The following PRMT8 variants were observed in gnomAD, a reference collection of about 807,000 sequenced individuals.
PRMT8 encodes the protein protein arginine N-methyltransferase 8.
A neutral mutation model predicts 47.1 loss-of-function variants in PRMT8; 7 were observed. The ratio of observed to expected loss-of-function variants is 0.15; its 90% CI spans 0.08 to 0.28. The LOEUF (loss-of-function observed/expected upper bound fraction) is 0.28, where lower values mean the gene tolerates loss of function less well. Among genes scored for constraint, PRMT8 ranks in the 10% least tolerant of loss-of-function variants. The pLI, the probability that PRMT8 is intolerant of heterozygous loss-of-function variation, is 1.00. For synonymous variants in PRMT8, 188 were observed against 186.5 expected (o/e 1.01, Z -0.07); for missense variants, 237 against 505.4 (o/e 0.47, Z 5.09).
chr12:3,535,950 A>G lies in PRMT8; in HGVS notation c.76-4656A>G, dbSNP rs1866110042. ...GGAGTTGAGCCTTCTGACTTTACAGAGGAGACCACTGTCATCCCCCAAGAC... is the reference window on the plus strand; with the variant it reads ...GGAGTTGAGCCTTCTGACTTTACAGGGGAGACCACTGTCATCCCCCAAGAC... On this transcript the variant is annotated intron_variant, in intron 1 of 9. Transcript: ENST00000382622. The surrounding 1 kb of genome is among the most constrained non-coding windows in gnomAD (Gnocchi z 4.7). Among the ~76,000 whole-genome samples, 1 of 152,078 alleles carries G rather than the reference A, an allele frequency of 6.6e-6. No homozygotes were observed. Among genetic ancestry groups the G allele is most frequent in the Non-Finnish European group, 1.5e-5 (1 of 68,008 alleles).
chr12:3,492,788 T>A lies in PRMT8; in HGVS notation c.75+1088T>A, dbSNP rs1865443690. Among the ~76,000 whole-genome samples the A allele has an allele frequency of 6.6e-6, 1 of 152,002 alleles. No individual in the cohort carries two copies. The highest frequency in any genetic ancestry group is 6.6e-5 in the Admixed American group (1 of 15,252). On this transcript the variant is annotated intron_variant, in intron 1 of 9. Transcript: ENST00000382622. This position sits in a 1 kb window ranked among gnomAD's most constrained non-coding sequence, Gnocchi z 7.5. ...GCGGAGTGGGGCATGTGTGTGAAGA[T>A]CATCCCTTACTCAGTGGCAGGAAAA...
intron 1 of PRMT8, among the ~76,000 whole-genome samples, chr12:3,443,255 A>G (rs1422251390): frequency 6.6e-6 from 1 of 152,192 alleles, no homozygotes; most frequent in East Asian, 1.9e-4. Flanking sequence ...GGTGTTATGG[A>G]TCCAGTGATA....
chr12:3,423,027 A>G (rs974809493), intron 1 of PRMT8, among the ~76,000 whole-genome samples: 9 of 152,264 alleles, frequency 5.9e-5, no homozygotes. Context: ...ACAAGGGAGC[A>G]GTAAGCAGTT....
Position 3,570,451 on chromosome 12 carries a change from A to T in PRMT8, c.712+887A>T, listed in dbSNP as rs765148039. Among the ~76,000 whole-genome samples the T allele has an allele frequency of 5.8e-4, 89 of 152,224 alleles. No individual in the cohort carries two copies. The highest frequency in any genetic ancestry group is 1.2e-3 in the Non-Finnish European group (81 of 68,040). Reference sequence around the variant, plus strand: ...AAAAATCCAAATTAAAGCAAGAGGCAGAAGCTCCAACCTATCCATCAGACT... The same window carrying T: ...AAAAATCCAAATTAAAGCAAGAGGCTGAAGCTCCAACCTATCCATCAGACT... On this transcript the variant is annotated intron_variant, in intron 6 of 9. Transcript: ENST00000382622. The surrounding 1 kb of genome is among the most constrained non-coding windows in gnomAD (Gnocchi z 5.5).
chr12:3,497,551 G>A (rs1276150765), intron 1 of PRMT8, among the ~76,000 whole-genome samples: 1 of 152,000 alleles, frequency 6.6e-6, no homozygotes, highest in African/African-American at 2.4e-5. Flanking sequence ...ACTAGTTTTT[G>A]TTCCAATTGA....
At chr12:3,559,234 C>T (rs913279554) in intron 4 of PRMT8, among the ~76,000 whole-genome samples, 2 of 152,146 alleles carry the variant, frequency 1.3e-5, no homozygotes, top group African/African-American at 4.8e-5. Context: ...TTTGAAATGC[C>T]GTTTTCCCTT....
At chr12:3,522,733 T>C (rs533761571) in intron 1 of PRMT8, among the ~76,000 whole-genome samples, 49 of 126,798 alleles carry the variant, frequency 3.9e-4, no homozygotes, top group Middle Eastern at 4.7e-3. Flanking sequence ...ACCGTGCAAA[T>C]AGCTAAACAA....
chr12:3,570,537 T>C lies in PRMT8; in HGVS notation c.712+973T>C, dbSNP rs1432659050. ...CCATTCCTACTTGGCAAGATTACTG[T>C]GGAGGGGTTCACAGATTGAGTAGAA... On this transcript the variant is annotated intron_variant, in intron 6 of 9. Transcript: ENST00000382622. This position sits in a 1 kb window ranked among gnomAD's most constrained non-coding sequence, Gnocchi z 5.5. Among the ~76,000 whole-genome samples, 1 of 152,180 alleles carries C rather than the reference T, an allele frequency of 6.6e-6. No homozygotes were observed. Among genetic ancestry groups the C allele is most frequent in the Non-Finnish European group, 1.5e-5 (1 of 68,042 alleles).
intron 1 of PRMT8, among the ~76,000 whole-genome samples, chr12:3,430,916 G>A (rs1266109354): frequency 6.6e-6 from 1 of 152,200 alleles, no homozygotes; most frequent in Non-Finnish European, 1.5e-5. Context: ...AGATCAGTGA[G>A]CCTGGGGGAC....
At chr12:3,415,428 G>A (rs577166327) in intron 1 of PRMT8, among the ~76,000 whole-genome samples, 1 of 152,262 alleles carries the variant, frequency 6.6e-6, no homozygotes, top group Admixed American at 6.5e-5. Context: ...GAGTCATGAG[G>A]TGGGGCTGAA....
intron 1 of PRMT8, among the ~76,000 whole-genome samples, chr12:3,496,216 T>TATATATATATA (rs34970187): frequency 3.8e-3 from 75 of 19,958 alleles, no homozygotes; most frequent in Middle Eastern, 0.025. Context: ...ATATATATAT[T>TATATATATATA]TTTTTTTTTT....
At chr12:3,420,507 A>T (rs978564543) in intron 1 of PRMT8, among the ~76,000 whole-genome samples, 8 of 152,118 alleles carry the variant, frequency 5.3e-5, no homozygotes, top group Admixed American at 4.6e-4. Context: ...AAAAAGCCAG[A>T]CGCTGTGACA....
At chr12:3,525,281 A>G (rs554636786) in intron 1 of PRMT8, among the ~76,000 whole-genome samples, 6 of 152,304 alleles carry the variant, frequency 3.9e-5, no homozygotes, top group African/African-American at 1.4e-4. Context: ...CTCTAGGTGG[A>G]AACCCTTAGT....
At chr12:3,442,682 A>G (rs1864815602) in intron 1 of PRMT8, among the ~76,000 whole-genome samples, 1 of 152,132 alleles carries the variant, frequency 6.6e-6, no homozygotes, top group Non-Finnish European at 1.5e-5. Context: ...TTTTTCAGAT[A>G]GAGTCTCACT....
At chr12:3,423,164 A>G (rs1458667778) in intron 1 of PRMT8, among the ~76,000 whole-genome samples, 1 of 152,218 alleles carries the variant, frequency 6.6e-6, no homozygotes, top group African/African-American at 2.4e-5. Flanking sequence ...CAATTTTGTC[A>G]TATCTCTAAC....
rs147781821 is a variant in PRMT8 at position 3,470,351 on chromosome 12, A to G, written c.49-70255A>G. Among the ~76,000 whole-genome samples the G allele has an allele frequency of 2.2e-3, 335 of 152,240 alleles. 1 individual carries two copies. Among genetic ancestry groups the G allele is most frequent in the African/African-American group, 7.7e-3 (319 of 41,544 alleles). ...TTTGGTTGTTTTTCCATAGGACTCA[A>G]TGTGCTCTTACACAGGGACTCAGGA... On this transcript the variant is annotated intron_variant, in intron 1 of 9. Transcript: ENST00000452611.
intron 1 of PRMT8, among the ~76,000 whole-genome samples, chr12:3,384,032 C>A (rs1256245860): frequency 1.3e-5 from 2 of 152,140 alleles, no homozygotes; most frequent in African/African-American, 4.8e-5. Context: ...GAGTTTTATT[C>A]CATTCTTTCC....
chr12:3,448,756 C>T (rs1242529204), intron 1 of PRMT8, among the ~76,000 whole-genome samples: 1 of 152,000 alleles, frequency 6.6e-6, no homozygotes, highest in African/African-American at 2.4e-5. Context: ...TTTTAAGTTC[C>T]AGGATACATG....
At chr12:3,560,691 C>T (rs552082195) in intron 4 of PRMT8, among the ~76,000 whole-genome samples, 4 of 152,294 alleles carry the variant, frequency 2.6e-5, no homozygotes, top group South Asian at 2.1e-4. Context: ...TTGTCCTTCT[C>T]CTACTTTTGC....
Sources: gnomAD v4.1 joint callset for allele counts (sites outside exome capture counted in the v4.1 genomes callset) on GRCh38, gnomAD v4.1.1 for gene constraint, Gnocchi (gnomAD v3.1) non-coding constraint, MANE v1.5 for transcripts, NCBI Gene and HGNC (gene_info 2026-07-23, HGNC 2026-07-21) for gene names.